RHOJ: variants seen among roughly 807,000 people sequenced by gnomAD.
RHOJ encodes rho-related GTP-binding protein RhoJ.
In RHOJ, 11 loss-of-function variants were observed where a neutral mutation model predicts 23.4. That is an observed-to-expected ratio of 0.47 (90% CI 0.30 to 0.78). The LOEUF (loss-of-function observed/expected upper bound fraction) is 0.78, where lower values mean the gene tolerates loss of function less well. RHOJ is among the 30% of genes least tolerant of loss of function. The pLI is 0.08. For missense variants in RHOJ, 254 were observed against 273.4 expected, an observed-to-expected ratio of 0.93 and a Z score of 0.50; for synonymous variants, 102 against 102.7, an observed-to-expected ratio of 0.99 and a Z score of 0.04.
intron 1 of RHOJ, among the ~76,000 whole-genome samples, chr14:63,223,457 C>CTT (rs1488687174): frequency 1.3e-5 from 2 of 152,188 alleles, no homozygotes; most frequent in African/African-American, 4.8e-5. Context: ...CCCAAAACTC[C>CTT]ATTCTCTCAT....
In RHOJ at chr14:63,287,038, A is replaced by G. The variant is rs551605407; in HGVS notation, c.498+3822A>G. ...CTACTCTGCTACTAGCCATTTCTTT[A>G]GATACGAGCTTACTCTGTTTATTCC... On this transcript the variant is annotated intron_variant, in intron 4 of 4. Transcript: ENST00000316754. Among the ~76,000 whole-genome samples, 4 of 152,302 alleles carry G rather than the reference A, an allele frequency of 2.6e-5. No individual in the cohort carries two copies. The South Asian group carries it at 8.3e-4, about 32-fold the overall frequency.
At chr14:63,259,934 T>A (rs770306494) in intron 1 of RHOJ, among the ~76,000 whole-genome samples, 11 of 152,162 alleles carry the variant, frequency 7.2e-5, no homozygotes, top group Non-Finnish European at 8.8e-5. Flanking sequence ...GACAGGCAAG[T>A]AAATATAATC....
rs1895137676 is a variant in RHOJ, at chr14:63,254,982, C to T, written c.179-14128C>T. ...GAAAAGCGGCTCTTTTCCCAGCCTT[C>T]TTGGCCCCCATCGCTCACTTCCCTC... On this transcript the variant is annotated intron_variant, in intron 1 of 4. Coordinates refer to ENST00000316754, the MANE Select transcript of RHOJ (RefSeq NM_020663.5). Among the ~76,000 whole-genome samples the T allele has an allele frequency of 2.0e-5, 3 of 152,202 alleles. No individual in the cohort carries two copies. In the South Asian group the frequency reaches 6.2e-4, roughly 32 times the overall value.
chr14:63,225,950 C>G (rs1475040180), intron 1 of RHOJ, among the ~76,000 whole-genome samples: 4 of 152,106 alleles, frequency 2.6e-5, no homozygotes, highest in African/African-American at 7.2e-5. Context: ...CCATATTTTT[C>G]TGAAGACATA....
At chr14:63,213,297 A>G (rs1467534534) in intron 1 of RHOJ, among the ~76,000 whole-genome samples, 3 of 151,976 alleles carry the variant, frequency 2.0e-5, no homozygotes, top group East Asian at 1.9e-4. Flanking sequence ...TCCCTTCCCA[A>G]CTAGTGGTCC....
At chr14:63,250,865 C>T (rs773398901) in intron 1 of RHOJ, among the ~76,000 whole-genome samples, 23 of 152,022 alleles carry the variant, frequency 1.5e-4, no homozygotes, top group Non-Finnish European at 2.1e-4. Flanking sequence ...GAAACCCCAT[C>T]TCTACCAAAA....
At chr14:63,244,602 T>C (rs1160152435) in intron 1 of RHOJ, among the ~76,000 whole-genome samples, 5 of 152,076 alleles carry the variant, frequency 3.3e-5, no homozygotes, top group Non-Finnish European at 7.4e-5. Flanking sequence ...AGGGTAACGT[T>C]CTGTTGAAAA....
At chr14:63,272,977 C>T (rs993651029) in intron 2 of RHOJ, among the ~76,000 whole-genome samples, 1 of 152,152 alleles carries the variant, frequency 6.6e-6, no homozygotes, top group African/African-American at 2.4e-5. Context: ...AAGCTGAGAT[C>T]GCACCATTGC....
intron 4 of RHOJ, among the ~76,000 whole-genome samples, chr14:63,284,944 C>A (rs1003271082): frequency 1.3e-5 from 2 of 152,152 alleles, no homozygotes; most frequent in African/African-American, 4.8e-5. Flanking sequence ...GCTAGTTTCT[C>A]CTAGCAACTG....
intron 1 of RHOJ, among the ~76,000 whole-genome samples, chr14:63,234,432 T>C (rs1894751348): frequency 6.6e-6 from 1 of 152,180 alleles, no homozygotes; most frequent in African/African-American, 2.4e-5. Context: ...TACATAACAA[T>C]GCCTTGGATA....
intron 2 of RHOJ, among the ~76,000 whole-genome samples, chr14:63,270,179 T>C (rs1356073964): frequency 6.6e-6 from 1 of 151,930 alleles, no homozygotes; most frequent in Non-Finnish European, 1.5e-5. Flanking sequence ...CCTTTTTTTT[T>C]TTTTTTTCAC....
At chr14:63,280,648 T>C (rs1454243480) in intron 2 of RHOJ, among the ~76,000 whole-genome samples, 2 of 152,134 alleles carry the variant, frequency 1.3e-5, no homozygotes, top group Non-Finnish European at 2.9e-5. Flanking sequence ...CTTAAATGTA[T>C]ACAATTTAAA....
At chr14:63,287,374 A>C (rs561413940) in intron 4 of RHOJ, among the ~76,000 whole-genome samples, 11 of 152,276 alleles carry the variant, frequency 7.2e-5, no homozygotes, top group African/African-American at 2.6e-4. Context: ...TTTCCTTGTA[A>C]AGTTCTTGTG....
At chr14:63,275,266 T>C (rs1168858664) in intron 2 of RHOJ, among the ~76,000 whole-genome samples, 3 of 152,176 alleles carry the variant, frequency 2.0e-5, no homozygotes, top group African/African-American at 7.2e-5. Flanking sequence ...CAGTGAACTA[T>C]GATCAGTGCA....
At chr14:63,240,123 C>G (rs1350088383) in intron 1 of RHOJ, among the ~76,000 whole-genome samples, 1 of 151,886 alleles carries the variant, frequency 6.6e-6, no homozygotes, top group Non-Finnish European at 1.5e-5. Context: ...TTTGAGAAAA[C>G]CCTTAAAAGG....
intron 1 of RHOJ, among the ~76,000 whole-genome samples, chr14:63,228,427 A>G (rs1894633489): frequency 6.6e-6 from 1 of 152,230 alleles, no homozygotes; most frequent in South Asian, 2.1e-4. Context: ...AATAGCAAAC[A>G]ACTGGAAATA....
At chr14:63,259,597 ATACT>A (rs1397655709) in intron 1 of RHOJ, among the ~76,000 whole-genome samples, 2 of 152,250 alleles carry the variant, frequency 1.3e-5, no homozygotes, top group Non-Finnish European at 2.9e-5. Context: ...TTCTGAGAAC[ATACT>A]TAATAATAAA....
At chr14:63,279,382 T>C (rs10140212) in intron 2 of RHOJ, among the ~76,000 whole-genome samples, 27,236 of 152,222 alleles carry the variant, frequency 0.18, 3,058 homozygotes, top group African/African-American at 0.31. Context: ...TGTTGCGATA[T>C]GTGATGTATA....
chr14:63,259,686 T>A (rs1895239697), intron 1 of RHOJ, among the ~76,000 whole-genome samples: 1 of 152,198 alleles, frequency 6.6e-6, no homozygotes, highest in South Asian at 2.1e-4. Context: ...CAAATTATCA[T>A]ATATACAATC....
Sources: gnomAD v4.1 joint callset for allele counts (sites outside exome capture counted in the v4.1 genomes callset) on GRCh38, gnomAD v4.1.1 for gene constraint, MANE v1.5 for transcripts, NCBI Gene and HGNC (gene_info 2026-07-23, HGNC 2026-07-21) for gene names.